ZNF461: variants seen among roughly 807,000 people sequenced by gnomAD.
ZNF461 encodes the protein gonadotropin-inducible ovarian transcription factor-1.
In ZNF461, 16 loss-of-function variants were observed where a neutral mutation model predicts 18.3. The observed-to-expected ratio is 0.88, with a 90% CI of 0.59 to 1.33. The LOEUF (loss-of-function observed/expected upper bound fraction) is 1.33, where lower values mean the gene tolerates loss of function less well. Among genes scored for constraint, ZNF461 ranks in the 40% most tolerant of loss-of-function variants. The pLI, the probability that ZNF461 is intolerant of heterozygous loss-of-function variation, is 0.00. For synonymous variants in ZNF461, 179 were observed against 216.9 expected (o/e 0.83, Z 1.54); for missense variants, 595 against 669.9 (o/e 0.89, Z 1.23).
intron 5 of ZNF461, among the ~76,000 whole-genome samples, chr19:36,641,538 A>AAATATATATATATAT (rs891202052): frequency 2.1e-5 from 3 of 145,956 alleles, no homozygotes; most frequent in African/African-American, 7.4e-5. Flanking sequence ...ACAAACAACA[A>AAATATATATATATAT]AATATATATA....
intron 2 of ZNF461, among the ~76,000 whole-genome samples, chr19:36,660,004 A>G (rs967987486): frequency 3.9e-5 from 6 of 152,064 alleles, no homozygotes; most frequent in Admixed American, 3.9e-4. Context: ...AATTTCAAAG[A>G]TTTCCCACGT....
chr19:36,659,954 C>T (rs2037789135), intron 2 of ZNF461, among the ~76,000 whole-genome samples: 3 of 152,146 alleles, frequency 2.0e-5, no homozygotes, highest in Admixed American at 1.3e-4. Flanking sequence ...TCATCCAACA[C>T]CAATTCCTAT....
At chr19:36,661,806 C>T (rs1461384540) in intron 2 of ZNF461, among the ~76,000 whole-genome samples, 1 of 152,068 alleles carries the variant, frequency 6.6e-6, no homozygotes, top group African/African-American at 2.4e-5. Context: ...GACATTTTTT[C>T]CTGTTTTCCA....
At chr19:36,652,330 A>T (rs1187633995) in intron 4 of ZNF461, among the ~76,000 whole-genome samples, 1 of 90,108 alleles carries the variant, frequency 1.1e-5, no homozygotes, top group South Asian at 3.1e-4. Context: ...CGCCTCTACT[A>T]AAAAAAAAAA....
chr19:36,648,831 T>C (rs918053610), intron 4 of ZNF461, among the ~76,000 whole-genome samples: 1 of 152,164 alleles, frequency 6.6e-6, no homozygotes, highest in East Asian at 1.9e-4. Flanking sequence ...TCCACCTGCT[T>C]CGGCCTCCCA....
chr19:36,649,677 T>C (rs1013755719), intron 4 of ZNF461, among the ~76,000 whole-genome samples: 2 of 152,052 alleles, frequency 1.3e-5, no homozygotes, highest in African/African-American at 4.8e-5. Context: ...ACTTAAAAAC[T>C]TCTAGGAGAG....
At chr19:36,656,399 G>T in intron 4 of ZNF461, 49 bp downstream of exon 4, 2 of 1,482,764 alleles carry the variant, frequency 1.3e-6, no homozygotes, top group Non-Finnish European at 1.9e-6. Context: ...CCAACATTCT[G>T]ACCAGCTGGC....
In ZNF461 at chr19:36,637,983, A is replaced by G; in HGVS notation, c.*670T>C. ...TAAAAAATAAATGTAATGTCAAAATATATACGCCAGATACTCTTTAATCCC... is the reference window on the plus strand; with the variant it reads ...TAAAAAATAAATGTAATGTCAAAATGTATACGCCAGATACTCTTTAATCCC... On this transcript the variant is annotated 3_prime_UTR_variant, in exon 6 of 6. Transcript: ENST00000588268. 1 of 292,454 alleles carries G rather than the reference A, an allele frequency of 3.4e-6. No individual in the cohort carries two copies. The highest frequency in any genetic ancestry group is 6.7e-6 in the Non-Finnish European group (1 of 149,264). The allele number at this position is 292,454 out of a possible 1,614,324, so 18.1% of individuals were successfully genotyped here. A position where few individuals can be genotyped will look rare whatever the true frequency, so the allele number is the denominator to read the frequency against.
Position 36,639,647 on chromosome 19 carries a change from AG to A in ZNF461, c.697del (p.Leu233PhefsTer32). The A allele has an allele frequency of 6.2e-7, 1 of 1,613,794 alleles. No individual in the cohort carries two copies. The highest frequency in any genetic ancestry group is 8.5e-7 in the Non-Finnish European group (1 of 1,179,778). ...ECTEIVNTPC[L>X]FKQQTIQNGD... The stretch of plus-strand genomic sequence containing the variant: ...ATTTTGAATTGTCTGTTGTTTAAAA[AG>A]GCATGGTGTATTAACAATTTCTGTG... On this transcript the variant is annotated frameshift_variant, in exon 6 of 6. Coordinates refer to ENST00000588268, the MANE Select transcript of ZNF461 (RefSeq NM_153257.5). LOFTEE classifies it low-confidence loss of function (END_TRUNC).
intron 4 of ZNF461, 102 bp downstream of exon 4, chr19:36,656,346 A>C: frequency 5.5e-6 from 5 of 909,498 alleles, no homozygotes; most frequent in Non-Finnish European, 9.1e-6. Context: ...TATGTTTTGA[A>C]ATCAGGTTTT....
At chr19:36,651,332 T>C (rs1280957623) in intron 4 of ZNF461, among the ~76,000 whole-genome samples, 1 of 151,882 alleles carries the variant, frequency 6.6e-6, no homozygotes, top group Non-Finnish European at 1.5e-5. Context: ...ACACAGGATG[T>C]CCACTTTTAC....
At chr19:36,642,768 G>C (rs564838458) in intron 5 of ZNF461, among the ~76,000 whole-genome samples, 3 of 149,978 alleles carry the variant, frequency 2.0e-5, no homozygotes, top group Non-Finnish European at 4.5e-5. Flanking sequence ...GGTGGGGGGG[G>C]GTGGGGCACA....
chr19:36,663,781 C>T (rs1179780935), intron 2 of ZNF461, among the ~76,000 whole-genome samples: 1 of 152,106 alleles, frequency 6.6e-6, no homozygotes, highest in Non-Finnish European at 1.5e-5. Context: ...TCTCCCACCT[C>T]AGCCTCTCAA....
intron 2 of ZNF461, among the ~76,000 whole-genome samples, chr19:36,663,722 G>A (rs930581846): frequency 1.3e-5 from 2 of 151,914 alleles, no homozygotes; most frequent in African/African-American, 2.4e-5. Context: ...TAGAGGTGGA[G>A]TTTTATTATG....
chr19:36,647,941 G>A (rs1249475767), intron 4 of ZNF461, among the ~76,000 whole-genome samples: 1 of 152,112 alleles, frequency 6.6e-6, no homozygotes, highest in African/African-American at 2.4e-5. Flanking sequence ...CAGCACTCTG[G>A]GAGGCCGAGG....
chr19:36,661,771 C>T (rs1039300737), intron 2 of ZNF461, among the ~76,000 whole-genome samples: 1 of 152,062 alleles, frequency 6.6e-6, no homozygotes, highest in Non-Finnish European at 1.5e-5. Flanking sequence ...AAACTCAGAT[C>T]ACAGGAAGGA....
At chr19:36,666,548 C>T (rs1745338008) in intron 1 of ZNF461, 142 bp downstream of exon 1, 2 of 152,862 alleles carry the variant, frequency 1.3e-5, no homozygotes, top group Admixed American at 1.3e-4. Context: ...AGGTCGCTGT[C>T]CCAACAGTAA....
chr19:36,648,091 G>C (rs1395686023), intron 4 of ZNF461, among the ~76,000 whole-genome samples: 1 of 152,048 alleles, frequency 6.6e-6, no homozygotes, highest in Non-Finnish European at 1.5e-5. Context: ...TGAGGCAGGA[G>C]AATCGCTTGA....
rs1442749711 is a variant in ZNF461 at position 36,664,804 on chromosome 19, T to TA, written c.-80-19dup. On this transcript the variant is annotated intron_variant, in intron 1 of 5. Transcript: ENST00000588268. The stretch of plus-strand genomic sequence containing the variant: ...AGGTGTTGCTGGGAGAGAGGGGAGT[T>TA]AAAAAAAAGACAGGAGATTATTGCC... 82 of 939,160 alleles carry TA rather than the reference T, an allele frequency of 8.7e-5. No homozygotes were observed. The highest frequency in any genetic ancestry group is 3.2e-4 in the South Asian group (12 of 37,738). The allele number at this position is 939,160 out of a possible 1,614,324, so 58.2% of individuals were successfully genotyped here.
Sources: allele counts gnomAD v4.1 joint callset (sites outside exome capture counted in the v4.1 genomes callset), GRCh38; gene constraint gnomAD v4.1.1; transcripts MANE v1.5; gene names NCBI Gene and HGNC (gene_info 2026-07-23, HGNC 2026-07-21).